The following RYR3 variants were observed in gnomAD, a reference collection of about 807,000 sequenced individuals.
RYR3 encodes the protein ryanodine receptor 3.
Under a neutral mutation model 584.3 loss-of-function variants are expected in RYR3, and 207 were observed. The ratio of observed to expected loss-of-function variants is 0.35; its 90% CI spans 0.32 to 0.40. The LOEUF is 0.40. Among genes scored for constraint, RYR3 ranks in the 10% least tolerant of loss-of-function variants. The probability of loss-of-function intolerance (pLI) is 1.00; values close to 1 mark genes in which losing one functional copy is unlikely to be tolerated. For synonymous variants in RYR3, 2,416 were observed against 2,248.5 expected, an observed-to-expected ratio of 1.07 and a Z score of -2.11; for missense variants, 5,616 against 6,089.2, an observed-to-expected ratio of 0.92 and a Z score of 2.59.
intron 1 of RYR3, among the ~76,000 whole-genome samples, chr15:33,376,684 C>T (rs908102539): frequency 6.6e-6 from 1 of 152,214 alleles, no homozygotes; most frequent in African/African-American, 2.4e-5. Context: ...TAGTACTCCA[C>T]AACATCCACT....
intron 65 of RYR3, among the ~76,000 whole-genome samples, chr15:33,784,527 G>A (rs2074585321): frequency 6.6e-6 from 1 of 152,192 alleles, no homozygotes; most frequent in South Asian, 2.1e-4. Flanking sequence ...ATCTTCCAGT[G>A]AACTGATGTT....
chr15:33,421,075 A>G (rs1236943129), intron 1 of RYR3, among the ~76,000 whole-genome samples: 1 of 152,076 alleles, frequency 6.6e-6, no homozygotes, highest in Non-Finnish European at 1.5e-5. Flanking sequence ...CCATGAGAGG[A>G]GGGATTTCAC....
intron 3 of RYR3, among the ~76,000 whole-genome samples, chr15:33,518,535 A>G (rs1313074133): frequency 1.3e-5 from 2 of 152,154 alleles, no homozygotes; most frequent in Admixed American, 1.3e-4. Context: ...AGCCTGCCAC[A>G]GTGTCTTGCA....
At chr15:33,760,105 C>G (rs1250316096) in intron 60 of RYR3, among the ~76,000 whole-genome samples, 2 of 152,194 alleles carry the variant, frequency 1.3e-5, no homozygotes, top group East Asian at 3.8e-4. Flanking sequence ...TTGTCACCAC[C>G]AGGCCTGCCT....
chr15:33,757,436 G>T lies in RYR3; in HGVS notation c.8584-39G>T, dbSNP rs761479136. 8.2e-6 allele frequency: 13 copies of T among 1,579,432 alleles called. No homozygotes were observed. The Admixed American group carries it at 2.2e-4, about 27-fold the overall frequency. ...TAAATGAACCAAATGAAGAGTTTTG[G>T]ATAGCTTCCTAGAAGTTGATTTCTG... On this transcript the variant is annotated intron_variant, in intron 59 of 103. Transcript: ENST00000634891.
intron 76 of RYR3, among the ~76,000 whole-genome samples, chr15:33,819,378 G>A (rs2076987843): frequency 6.6e-6 from 1 of 152,062 alleles, no homozygotes; most frequent in African/African-American, 2.4e-5. Context: ...GGTCCAAAGA[G>A]TAGCCTGCTA....
At position 33,736,287 on chromosome 15, in the gene RYR3, G is replaced by A. The variant is rs1031374555; in HGVS notation, c.7477G>A (p.Val2493Met). The A allele has an allele frequency of 1.2e-6, 2 of 1,613,006 alleles. No homozygotes were observed. The highest frequency in any genetic ancestry group is 1.7e-6 in the Non-Finnish European group (2 of 1,179,626). The change falls in exon 49 of 104, where the codon GTG (valine) becomes ATG (methionine). Residue 2493 changes from valine (V) to methionine (M), a missense_variant. Val to Met is a conservative substitution (Grantham distance 21). This residue lies in a region of RYR3 where 1,280 missense variants were observed against 1,426.2 expected (regional missense o/e 0.90). Coordinates refer to ENST00000634891, the MANE Select transcript of RYR3 (RefSeq NM_001036.6). ...QQLLRRLVFD[V>M]PQLNEYCKMP... ...ACTCCTGCGACGCCTCGTTTTTGAT[G>A]TGCCGCAACTCAATGAATACTGCAA...
At chr15:33,699,556 A>G in intron 40 of RYR3, 148 bp from the exon 41 acceptor site, 1 of 625,532 alleles carries the variant, frequency 1.6e-6, no homozygotes, top group South Asian at 2.3e-5. Context: ...TATAACTCCT[A>G]TGAATAAGTC....
chr15:33,698,310 T>TGG (rs1364740594), intron 40 of RYR3, among the ~76,000 whole-genome samples: 31 of 152,318 alleles, frequency 2.0e-4, no homozygotes, highest in African/African-American at 7.2e-4. Context: ...CTTAGGAGCC[T>TGG]GGTGTGTTTT....
At chr15:33,500,978 G>A (rs1435110) in intron 2 of RYR3, among the ~76,000 whole-genome samples, 1 of 151,864 alleles carries the variant, frequency 6.6e-6, no homozygotes, top group African/African-American at 2.4e-5. Flanking sequence ...CATTGTTTTG[G>A]GTGCTGTTGG....
chr15:33,397,153 C>T (rs2042347172), intron 1 of RYR3, among the ~76,000 whole-genome samples: 1 of 152,110 alleles, frequency 6.6e-6, no homozygotes, highest in African/African-American at 2.4e-5. Context: ...AGGGTTACAA[C>T]CTGTAAGGTG....
At chr15:33,552,853 A>T (rs1473191803) in intron 10 of RYR3, among the ~76,000 whole-genome samples, 1 of 152,198 alleles carries the variant, frequency 6.6e-6, no homozygotes, top group African/African-American at 2.4e-5. Context: ...CTTAGTAAGC[A>T]TATTCTTGCC....
rs532017331 is a variant in RYR3 at position 33,805,759 on chromosome 15, G to C, written c.10012-1796G>C. ...CCCAAAGTGCTGGGATTACAGGCTT[G>C]AGCCACCACACCCGGCCTTCTCTTT... On this transcript the variant is annotated intron_variant, in intron 69 of 103. Coordinates refer to ENST00000634891, the MANE Select transcript of RYR3 (RefSeq NM_001036.6). Among the ~76,000 whole-genome samples the C allele has an allele frequency of 2.0e-5, 3 of 152,000 alleles. No individual in the cohort carries two copies. In the South Asian group the frequency reaches 6.2e-4, roughly 32 times the overall value.
chr15:33,758,308 G>A (rs901561080), intron 60 of RYR3, among the ~76,000 whole-genome samples: 2 of 152,112 alleles, frequency 1.3e-5, no homozygotes, highest in Non-Finnish European at 2.9e-5. Context: ...TCACACCCCT[G>A]GAAAGGAGGC....
intron 2 of RYR3, among the ~76,000 whole-genome samples, chr15:33,502,186 T>C (rs1309531021): frequency 6.6e-6 from 1 of 152,192 alleles, no homozygotes; most frequent in Non-Finnish European, 1.5e-5. Flanking sequence ...AGGAAAATTG[T>C]AGGCAGGTCC....
At chr15:33,692,098 G>T (rs2065476740) in intron 38 of RYR3, among the ~76,000 whole-genome samples, 1 of 152,186 alleles carries the variant, frequency 6.6e-6, no homozygotes, top group Admixed American at 6.5e-5. Flanking sequence ...GCCATCCATG[G>T]TTATATGCAT....
chr15:33,795,751 G>C (rs1009431711), intron 67 of RYR3, among the ~76,000 whole-genome samples: 1 of 151,934 alleles, frequency 6.6e-6, no homozygotes, highest in Non-Finnish European at 1.5e-5. Flanking sequence ...GGCTGGTCTC[G>C]AACTCGTGAC....
intron 5 of RYR3, among the ~76,000 whole-genome samples, chr15:33,533,715 T>C (rs1567469695): frequency 6.6e-6 from 1 of 152,270 alleles, no homozygotes; most frequent in East Asian, 1.9e-4. Context: ...TGCCAAAAAA[T>C]AAAGGTGTCG....
chr15:33,705,101 TTCTC>T (rs10534581), intron 42 of RYR3, among the ~76,000 whole-genome samples: 2,544 of 142,038 alleles, frequency 0.018, 51 homozygotes, highest in Admixed American at 0.044. Flanking sequence ...CACACACTCT[TTCTC>T]TCTCTCTCTC....
Sources: gnomAD v4.1 joint callset for allele counts (sites outside exome capture counted in the v4.1 genomes callset) on GRCh38, gnomAD v4.1.1 for gene constraint, gnomAD v4.1.1 regional missense constraint, MANE v1.5 for transcripts, NCBI Gene and HGNC (gene_info 2026-07-23, HGNC 2026-07-21) for gene names.